The following DCC variants were observed in gnomAD, a reference collection of about 807,000 sequenced individuals.
DCC encodes the protein netrin receptor DCC.
In DCC, 58 loss-of-function variants were observed where a neutral mutation model predicts 172.5. That is an observed-to-expected ratio of 0.34 (90% CI 0.27 to 0.42). DCC has a LOEUF of 0.42. DCC is among the 10% of genes least tolerant of loss of function. DCC has a pLI of 1.00. For missense variants in DCC, 1,740 were observed against 1,791.0 expected, an observed-to-expected ratio of 0.97 and a Z score of 0.51; for synonymous variants, 709 against 644.5, an observed-to-expected ratio of 1.10 and a Z score of -1.52.
intron 10 of DCC, among the ~76,000 whole-genome samples, chr18:53,207,019 T>G (rs1295138193): frequency 7.6e-6 from 1 of 130,922 alleles, no homozygotes; most frequent in Non-Finnish European, 1.8e-5. Context: ...TTTGCTCTTG[T>G]TTTTTCAACT....
chr18:53,360,965 G>C (rs929624736), intron 15 of DCC, among the ~76,000 whole-genome samples: 2 of 152,134 alleles, frequency 1.3e-5, no homozygotes, highest in African/African-American at 2.4e-5. Flanking sequence ...CAGAACCTGT[G>C]ACTGTGACCT....
intron 3 of DCC, among the ~76,000 whole-genome samples, chr18:52,911,222 G>A (rs554501333): frequency 2.6e-5 from 4 of 152,088 alleles, no homozygotes; most frequent in African/African-American, 4.8e-5. Context: ...TAGTTAATTC[G>A]CGTAGCCCTA....
intron 2 of DCC, among the ~76,000 whole-genome samples, chr18:52,804,200 C>G (rs1331273094): frequency 2.6e-5 from 4 of 152,144 alleles, no homozygotes; most frequent in Admixed American, 2.0e-4. Context: ...TACCATGTGT[C>G]ACATTCTGTT....
chr18:52,450,066 A>G (rs1988253591), intron 1 of DCC, among the ~76,000 whole-genome samples: 1 of 152,228 alleles, frequency 6.6e-6, no homozygotes, highest in South Asian at 2.1e-4. Context: ...AAAAGAAACT[A>G]TTATGGAAGA....
intron 26 of DCC, among the ~76,000 whole-genome samples, chr18:53,487,529 C>CTTTT (rs34404262): frequency 5.8e-5 from 7 of 120,210 alleles, no homozygotes; most frequent in Non-Finnish European, 8.7e-5. Context: ...CCATTTGACT[C>CTTTT]TTTTTTTTTT....
At chr18:53,357,514 A>G (rs1036110513) in intron 15 of DCC, among the ~76,000 whole-genome samples, 2 of 152,246 alleles carry the variant, frequency 1.3e-5, no homozygotes, top group African/African-American at 4.8e-5. Context: ...GCTGACATAC[A>G]TGAATAAAAA....
At chr18:53,529,164 T>A (rs993533203) in intron 28 of DCC, among the ~76,000 whole-genome samples, 7 of 152,032 alleles carry the variant, frequency 4.6e-5, no homozygotes, top group Non-Finnish European at 1.0e-4. Context: ...GGGTAGTGTA[T>A]GCCCGAATCA....
chr18:52,507,930 G>T (rs917477172), intron 1 of DCC, among the ~76,000 whole-genome samples: 1 of 151,860 alleles, frequency 6.6e-6, no homozygotes. Context: ...GTGAAACCCC[G>T]TCTCTACTAA....
intron 12 of DCC, among the ~76,000 whole-genome samples, chr18:53,259,816 G>A: frequency 6.6e-6 from 1 of 152,206 alleles, no homozygotes; most frequent in South Asian, 2.1e-4. Context: ...TTTCCAACTT[G>A]GTTCCATTCT....
intron 7 of DCC, among the ~76,000 whole-genome samples, chr18:53,076,966 AC>A (rs1350958622): frequency 3.3e-5 from 5 of 152,036 alleles, no homozygotes; most frequent in Non-Finnish European, 7.4e-5. Context: ...TCATTTGTGC[AC>A]CTTTATGCCA....
chr18:52,799,171 C>T (rs1325040449), intron 2 of DCC, among the ~76,000 whole-genome samples: 4 of 152,250 alleles, frequency 2.6e-5, no homozygotes, highest in Non-Finnish European at 5.9e-5. Flanking sequence ...AATTAGAAGC[C>T]ATCTAATCCG....
intron 5 of DCC, among the ~76,000 whole-genome samples, chr18:52,959,271 T>C (rs2040800208): frequency 6.6e-6 from 1 of 152,102 alleles, no homozygotes; most frequent in South Asian, 2.1e-4. Flanking sequence ...AGGAAGTAAC[T>C]AGGTAGAAAC....
At chr18:53,207,847 C>T (rs2055677874) in intron 11 of DCC, 30 bp downstream of exon 11, 2 of 1,557,376 alleles carry the variant, frequency 1.3e-6, no homozygotes, top group South Asian at 1.1e-5. Context: ...ACTCCTTTTA[C>T]ATATTTGACA....
chr18:53,340,049 CACACACACACACACACACACACACACAT>C, intron 15 of DCC, 142 bp downstream of exon 15: 4 of 258,072 alleles, frequency 1.5e-5, no homozygotes, highest in Non-Finnish European at 3.0e-5. Flanking sequence ...TGTCTATCTA[CACACACACACACACACACACACACACAT>C]ACACACACAC....
intron 2 of DCC, among the ~76,000 whole-genome samples, chr18:52,805,924 C>G (rs886658948): frequency 3.3e-5 from 5 of 152,182 alleles, no homozygotes; most frequent in African/African-American, 4.8e-5. Flanking sequence ...CTTAAATTCA[C>G]TGTACCAAGA....
chr18:52,954,790 C>A (rs2040715051), intron 5 of DCC, among the ~76,000 whole-genome samples: 1 of 152,104 alleles, frequency 6.6e-6, no homozygotes, highest in South Asian at 2.1e-4. Flanking sequence ...GTGGTAAATT[C>A]ATTATAGAGA....
intron 7 of DCC, among the ~76,000 whole-genome samples, chr18:53,099,825 T>C (rs925706044): frequency 4.6e-5 from 7 of 152,046 alleles, no homozygotes; most frequent in Non-Finnish European, 1.0e-4. Context: ...TAAATAAGAG[T>C]TGTCAACATT....
intron 6 of DCC, among the ~76,000 whole-genome samples, chr18:53,064,860 T>C (rs1027831152): frequency 1.3e-5 from 2 of 152,168 alleles, no homozygotes; most frequent in South Asian, 2.1e-4. Context: ...GCCTAAAATA[T>C]ATGCTACTTA....
chr18:52,688,969 A>G (rs2035886132), intron 1 of DCC, among the ~76,000 whole-genome samples: 1 of 152,140 alleles, frequency 6.6e-6, no homozygotes, highest in Non-Finnish European at 1.5e-5. Context: ...TATTTTTATT[A>G]AAATAATTTA....
Sources: gnomAD v4.1 joint callset for allele counts (sites outside exome capture counted in the v4.1 genomes callset) on GRCh38, gnomAD v4.1.1 for gene constraint, MANE v1.5 for transcripts, NCBI Gene and HGNC (gene_info 2026-07-23, HGNC 2026-07-21) for gene names.